Variants in LTN1 observed in about 807,000 individuals in gnomAD.
The protein encoded by LTN1 is listerin E3 ubiquitin protein ligase 1.
Under a neutral mutation model 201.2 loss-of-function variants are expected in LTN1, and 88 were observed. The observed-to-expected ratio is 0.44, with a 90% CI of 0.37 to 0.52. The LOEUF (loss-of-function observed/expected upper bound fraction) is 0.52, where lower values mean the gene tolerates loss of function less well. Ranked by LOEUF, LTN1 falls within the 20% of genes least tolerant of loss-of-function variation. The pLI is 0.00. For missense variants in LTN1, 1,752 were observed against 2,038.7 expected (o/e 0.86, Z 2.71); for synonymous variants, 645 against 713.5 (o/e 0.90, Z 1.53).
In LTN1 at chr21:28,959,698, C is replaced by A; in HGVS notation, c.2354-1G>T. 6.3e-7 allele frequency: 1 copy of A among 1,587,918 alleles called. No homozygotes were observed. The highest frequency in any genetic ancestry group is 8.6e-7 in the Non-Finnish European group (1 of 1,169,496). Reference sequence around the variant, plus strand: ...ACATATACGTCTCCAATCAAGTAATCTGGAGAAAAAAAGGTTCAAACAGAC... The same window carrying A: ...ACATATACGTCTCCAATCAAGTAATATGGAGAAAAAAAGGTTCAAACAGAC... On this transcript the variant is annotated splice_acceptor_variant, in intron 12 of 29. Coordinates refer to ENST00000361371, the MANE Select transcript of LTN1 (RefSeq NM_015565.3). LOFTEE classifies it high-confidence loss of function.
chr21:28,946,655 G>A (rs1416726875), intron 19 of LTN1, among the ~76,000 whole-genome samples: 1 of 152,164 alleles, frequency 6.6e-6, no homozygotes, highest in Non-Finnish European at 1.5e-5. Flanking sequence ...ACAGCAAATG[G>A]AAAATAGAAC....
chr21:28,952,605 C>T (rs1300214770), intron 17 of LTN1, among the ~76,000 whole-genome samples: 2 of 152,154 alleles, frequency 1.3e-5, no homozygotes, highest in East Asian at 1.9e-4. Flanking sequence ...CCTAGGCAGG[C>T]TTAAGTTGAA....
chr21:28,990,939 A>T (rs75939569), intron 1 of LTN1, among the ~76,000 whole-genome samples: 5,348 of 152,218 alleles, frequency 0.035, 111 homozygotes, highest in Middle Eastern at 0.12. Flanking sequence ...TTATCTTTTT[A>T]AAAAAGTCCC....
At position 28,944,385 on chromosome 21, in the gene LTN1, G is replaced by A. The variant is rs757379099; in HGVS notation, c.3980C>T (p.Thr1327Ile). The change falls in exon 22 of 30, where the codon ACA becomes ATA. Residue 1327 changes from threonine to isoleucine, a missense_variant and splice_region_variant. Thr to Ile is a moderately conservative substitution (Grantham distance 89). Transcript: ENST00000361371. ...CTATTATTCCCTTTTTCACTTGCCT[G>A]TAACAGTCACCAAAATAGGTAAAAG... ...SLLLPILVTV[T>I]GENKDVSETS... is the part of the protein sequence containing the mutation. 7.5e-6 allele frequency: 12 copies of A among 1,608,234 alleles called. No individual in the cohort carries two copies. The highest frequency in any genetic ancestry group is 6.6e-5 in the South Asian group (6 of 90,908).
rs2084435534 is a variant in LTN1, at chr21:28,957,454, C to G, written c.2770G>C (p.Val924Leu). The G allele has an allele frequency of 6.3e-7, 1 of 1,575,756 alleles. No individual in the cohort carries two copies. Among genetic ancestry groups the G allele is most frequent in the African/African-American group, 1.4e-5 (1 of 72,756 alleles). ...INSLQVLLSAVDDLLNTLLES... is the reference protein window; with the variant it reads ...INSLQVLLSALDDLLNTLLES... ...AGAAGTGTATTTAGCAAATCATCAA[C>G]AGCAGACAAGAGGACTTGGAGACTA... Residue 924 changes from valine (V) to leucine (L), a missense_variant, in exon 15 of 30, where the codon GTT becomes CTT. Around this residue, in one of 3 missense-constraint regions of LTN1, gnomAD observed 1,211 missense variants for 1,312.8 expected, o/e 0.92. Transcript: ENST00000361371.
chr21:28,977,744 T>C (rs1288382232), intron 6 of LTN1, among the ~76,000 whole-genome samples: 3 of 150,566 alleles, frequency 2.0e-5, no homozygotes, highest in Non-Finnish European at 4.4e-5. Flanking sequence ...CTGGCCAACA[T>C]GACAAAACCC....
chr21:28,929,244 G>A lies in LTN1; in HGVS notation c.*1204C>T, dbSNP rs1471213422. The A allele has an allele frequency of 6.6e-6, 1 of 152,556 alleles. No homozygotes were observed. Among genetic ancestry groups the A allele is most frequent in the Non-Finnish European group, 1.5e-5 (1 of 68,000 alleles). 9.5% of individuals were successfully genotyped at this position (152,556 alleles called of 1,614,324 possible). A position where few individuals can be genotyped will look rare whatever the true frequency, so the allele number is the denominator to read the frequency against. ...ATTGCTTTTTGCCAATTAAACATGT[G>A]CAACAGAGATGATTAGCTGGTCTCT... On this transcript the variant is annotated 3_prime_UTR_variant, in exon 30 of 30. Transcript: ENST00000361371.
chr21:28,954,534 T>G (rs1411855068), intron 16 of LTN1, among the ~76,000 whole-genome samples: 1 of 152,118 alleles, frequency 6.6e-6, no homozygotes, highest in Non-Finnish European at 1.5e-5. Context: ...ACAAAAGTAT[T>G]CAAAACCATT....
At chr21:28,946,333 A>T in intron 19 of LTN1, 46 bp from the exon 20 acceptor site, 1 of 1,298,386 alleles carries the variant, frequency 7.7e-7, no homozygotes, top group Non-Finnish European at 1.0e-6. Context: ...TAAGAACTAT[A>T]TCGCTACTAT....
intron 9 of LTN1, 34 bp from the exon 10 acceptor site, chr21:28,967,213 A>G: frequency 6.7e-7 from 1 of 1,488,530 alleles, no homozygotes; most frequent in Non-Finnish European, 9.2e-7. Context: ...TAAAATATAT[A>G]TTTGGTCTTC....
In LTN1 at chr21:28,967,099, TAG is replaced by T; in HGVS notation, c.1390_1391del (p.Leu464LysfsTer13). The T allele has an allele frequency of 6.2e-7, 1 of 1,614,164 alleles. No homozygotes were observed. The highest frequency in any genetic ancestry group is 8.5e-7 in the Non-Finnish European group (1 of 1,179,998). ...TGTCTGCTTTGGCTTCCCAGGAACT[TAG>T]AGTTTCTGCTAAATGGTTAAATAGC... ...GQLFNHLAETLSSWEAKADTE... is the reference protein window; with the variant it reads ...GQLFNHLAETXSSWEAKADTE... On this transcript the variant is annotated frameshift_variant, in exon 10 of 30. Transcript: ENST00000361371. LOFTEE classifies it high-confidence loss of function.
intron 1 of LTN1, among the ~76,000 whole-genome samples, chr21:28,992,559 A>C (rs907200058): frequency 6.6e-6 from 1 of 152,166 alleles, no homozygotes; most frequent in African/African-American, 2.4e-5. Flanking sequence ...CTGGCATGGT[A>C]CATCTTTTCT....
At position 28,965,906 on chromosome 21, in the gene LTN1, C is replaced by T; in HGVS notation, c.2122G>A (p.Val708Met). Residue 708 changes from valine (V) to methionine (M), a missense_variant and splice_region_variant, in exon 11 of 30, where the codon GTG becomes ATG. Around this residue, in one of 3 missense-constraint regions of LTN1, gnomAD observed 1,211 missense variants for 1,312.8 expected, o/e 0.92. Coordinates refer to ENST00000361371, the MANE Select transcript of LTN1 (RefSeq NM_015565.3). ...AGAAGAGAATTCCATTTCAAGTCCA[C>T]CTGAAAAAAGAAAAAGAGTTAGAAA... ...RKKVLDDLTK[V>M]DLKWNSLLKI... 6.6e-7 allele frequency: 1 copy of T among 1,525,634 alleles called. No individual in the cohort carries two copies. 94.5% of individuals were successfully genotyped at this position (1,525,634 alleles called of 1,614,324 possible). A position where few individuals can be genotyped will look rare whatever the true frequency, so the allele number is the denominator to read the frequency against.
chr21:28,953,436 CT>C, intron 16 of LTN1, 60 bp from the exon 17 acceptor site: 2 of 1,240,866 alleles, frequency 1.6e-6, no homozygotes. Flanking sequence ...CCTTCAATTA[CT>C]TTCACTTCTC....
chr21:28,973,346 CAAAA>C (rs771261669), intron 6 of LTN1, among the ~76,000 whole-genome samples: 5 of 61,772 alleles, frequency 8.1e-5, no homozygotes, highest in African/African-American at 2.3e-4. Flanking sequence ...GAATCCGTCC[CAAAA>C]AAAAAAAAAA....
chr21:28,965,955 T>A, intron 10 of LTN1, 49 bp from the exon 11 acceptor site: 1 of 1,163,068 alleles, frequency 8.6e-7, no homozygotes, highest in Non-Finnish European at 1.2e-6. Context: ...CAACTTTTTG[T>A]TTGAGATGGG....
chr21:28,946,301 C>A lies in LTN1; in HGVS notation c.3488-14G>T. On this transcript the variant is annotated splice_polypyrimidine_tract_variant and intron_variant, in intron 19 of 29. Coordinates refer to ENST00000361371, the MANE Select transcript of LTN1 (RefSeq NM_015565.3). ...GTCCAAAACCTCCTAAAGTAAAATTCAAAATGAAAATTAAAAATATTTAAG... is the reference window on the plus strand; with the variant it reads ...GTCCAAAACCTCCTAAAGTAAAATTAAAAATGAAAATTAAAAATATTTAAG... 1 of 1,525,336 alleles carries A rather than the reference C, an allele frequency of 6.6e-7. No individual in the cohort carries two copies. Among genetic ancestry groups the A allele is most frequent in the Non-Finnish European group, 8.8e-7 (1 of 1,142,476 alleles). 94.5% of individuals were successfully genotyped at this position (1,525,336 alleles called of 1,614,324 possible).
intron 16 of LTN1, among the ~76,000 whole-genome samples, chr21:28,954,769 C>G (rs981965689): frequency 6.6e-6 from 1 of 152,168 alleles, no homozygotes; most frequent in Non-Finnish European, 1.5e-5. Flanking sequence ...CTATCTCTCA[C>G]CATCTAAAAA....
At position 28,959,490 on chromosome 21, in the gene LTN1, C is replaced by T. The variant is rs2084456305; in HGVS notation, c.2561G>A (p.Cys854Tyr). ...ATGTGTTTTTTCTTTGCTCTGAGCA[C>T]ATAACTGAAAGAGAGTTAATAATAA... The part of the protein sequence containing the change: ...EDLLLTLFQL[C>Y]AQSKEKTHLP... The change falls in exon 13 of 30, where the codon TGT (cysteine) becomes TAT (tyrosine). Residue 854 changes from cysteine to tyrosine, a missense_variant. By Grantham distance (194) the Cys-to-Tyr change is radical. Coordinates refer to ENST00000361371, the MANE Select transcript of LTN1 (RefSeq NM_015565.3). 6.2e-7 allele frequency: 1 copy of T among 1,613,884 alleles called. No individual in the cohort carries two copies. Among genetic ancestry groups the T allele is most frequent in the Admixed American group, 1.7e-5 (1 of 59,996 alleles).
Sources: gnomAD v4.1 joint callset for allele counts (sites outside exome capture counted in the v4.1 genomes callset) on GRCh38, gnomAD v4.1.1 for gene constraint, gnomAD v4.1.1 regional missense constraint, MANE v1.5 for transcripts, NCBI Gene and HGNC (gene_info 2026-07-23, HGNC 2026-07-21) for gene names.